Variants in FGD4 observed in about 807,000 individuals in gnomAD.
FGD4 encodes the protein FYVE, RhoGEF and PH domain-containing protein 4.
In FGD4, 42 loss-of-function variants were observed where a neutral mutation model predicts 102.0. The observed-to-expected ratio is 0.41, with a 90% confidence interval of 0.32 to 0.53. FGD4 has a LOEUF of 0.53. FGD4 is among the 20% of genes least tolerant of loss of function. The pLI is 0.21. For synonymous variants in FGD4, 380 were observed against 375.7 expected (o/e 1.01, Z -0.13); for missense variants, 902 against 1,078.2 (o/e 0.84, Z 2.29).
intron 15 of FGD4, among the ~76,000 whole-genome samples, chr12:32,634,618 C>T (rs573910370): frequency 6.6e-6 from 1 of 152,084 alleles, no homozygotes; most frequent in Admixed American, 6.6e-5. Flanking sequence ...TTCAAGGTAG[C>T]CTGGAAAGTC....
chr12:32,461,216 C>T (rs763065172), intron 1 of FGD4, among the ~76,000 whole-genome samples: 13 of 152,124 alleles, frequency 8.5e-5, no homozygotes, highest in East Asian at 1.9e-4. Flanking sequence ...ATTAAGATAA[C>T]GCACAAAAAA....
At chr12:32,549,461 T>C (rs917114727) in intron 1 of FGD4, among the ~76,000 whole-genome samples, 3 of 152,134 alleles carry the variant, frequency 2.0e-5, no homozygotes, top group African/African-American at 4.8e-5. Flanking sequence ...TTGGCTGATA[T>C]TTGTTGCTGC....
chr12:32,442,144 C>T (rs1942458487), intron 1 of FGD4, among the ~76,000 whole-genome samples: 1 of 151,606 alleles, frequency 6.6e-6, no homozygotes, highest in African/African-American at 2.4e-5. Context: ...ACCTCCGCCT[C>T]CTGGGTTCAA....
intron 1 of FGD4, among the ~76,000 whole-genome samples, chr12:32,407,474 A>G (rs1364981862): frequency 2.0e-5 from 3 of 152,208 alleles, no homozygotes; most frequent in African/African-American, 7.2e-5. Flanking sequence ...ATGTACAACC[A>G]GGTTTATAAG....
At chr12:32,570,584 G>T (rs1219489848) in intron 2 of FGD4, among the ~76,000 whole-genome samples, 1 of 152,140 alleles carries the variant, frequency 6.6e-6, no homozygotes, top group South Asian at 2.1e-4. Flanking sequence ...TGGGATTACA[G>T]GCATGTGCCA....
In FGD4 at chr12:32,442,243, C is replaced by T. The variant is rs867124876; in HGVS notation, c.166+42284C>T. ...TAATTTTTTGTATTTTTAGTAGAGA[C>T]GGGGTTTCACCGTGTTAGCCATGAT... On this transcript the variant is annotated intron_variant, in intron 1 of 16. Coordinates refer to ENST00000534526, the MANE Select transcript of FGD4 (RefSeq NM_001370298.3). Among the ~76,000 whole-genome samples, 13 of 151,876 alleles carry T rather than the reference C, an allele frequency of 8.6e-5. No individual in the cohort carries two copies. The Middle Eastern group carries it at 0.01, about 119-fold the overall frequency.
At chr12:32,602,453 A>AGATGATCTGCATAAT in intron 7 of FGD4, 136 bp downstream of exon 7, 1 of 978,064 alleles carries the variant, frequency 1.0e-6, no homozygotes, top group Non-Finnish European at 1.6e-6. Flanking sequence ...AATTATGCAG[A>AGATGATCTGCATAAT]TCATCTCTGC....
chr12:32,524,795 A>G (rs1296146933), intron 1 of FGD4, among the ~76,000 whole-genome samples: 1 of 151,674 alleles, frequency 6.6e-6, no homozygotes, highest in East Asian at 1.9e-4. Context: ...ACTGCGATCC[A>G]CCTGGGTGAC....
chr12:32,405,241 A>G (rs1291300507), intron 1 of FGD4, among the ~76,000 whole-genome samples: 1 of 134,192 alleles, frequency 7.5e-6, no homozygotes, highest in East Asian at 2.4e-4. Flanking sequence ...CTCCAAGAAC[A>G]GTTTAAAGAG....
At chr12:32,599,609 T>G (rs1447066961) in intron 5 of FGD4, among the ~76,000 whole-genome samples, 14 of 118,422 alleles carry the variant, frequency 1.2e-4, no homozygotes, top group African/African-American at 4.6e-4. Flanking sequence ...GTGCAGTGGT[T>G]TGATCTTGGC....
chr12:32,582,532 C>A (rs546651185), intron 4 of FGD4, 65 bp downstream of exon 4: 2 of 1,589,180 alleles, frequency 1.3e-6, no homozygotes, highest in South Asian at 1.1e-5. Context: ...TCTTAAAACT[C>A]TTTATTTATT....
chr12:32,631,675 T>G (rs1950511150), intron 14 of FGD4, among the ~76,000 whole-genome samples: 1 of 152,022 alleles, frequency 6.6e-6, no homozygotes, highest in East Asian at 1.9e-4. Flanking sequence ...CGGCTAATTT[T>G]TTGTATTTTT....
chr12:32,565,273 T>C (rs1350224285), intron 2 of FGD4, among the ~76,000 whole-genome samples: 1 of 152,192 alleles, frequency 6.6e-6, no homozygotes, highest in Non-Finnish European at 1.5e-5. Context: ...GGGATATTTG[T>C]CTTGTTCTCA....
At chr12:32,580,438 G>A (rs921861243) in intron 3 of FGD4, among the ~76,000 whole-genome samples, 3 of 152,138 alleles carry the variant, frequency 2.0e-5, no homozygotes, top group Non-Finnish European at 4.4e-5. Context: ...CAAGCGCCAC[G>A]CTAAGAGGTA....
At chr12:32,600,286 T>G (rs1322754794) in intron 5 of FGD4, 2 of 252,136 alleles carry the variant, frequency 7.9e-6, no homozygotes, top group African/African-American at 4.7e-5. Context: ...TGTGGTTTTC[T>G]AAAGCCAAAT....
At chr12:32,508,593 C>G (rs904618193) in intron 1 of FGD4, among the ~76,000 whole-genome samples, 6 of 152,228 alleles carry the variant, frequency 3.9e-5, no homozygotes, top group African/African-American at 1.4e-4. Flanking sequence ...CTTTGTAGAT[C>G]AACTCTCTTC....
At chr12:32,574,441 A>T in intron 2 of FGD4, among the ~76,000 whole-genome samples, 1 of 150,290 alleles carries the variant, frequency 6.7e-6, no homozygotes, top group East Asian at 2.0e-4. Context: ...CTGTTTTGCT[A>T]CATTAGTACA....
At chr12:32,627,375 C>T (rs4931645) in intron 14 of FGD4, among the ~76,000 whole-genome samples, 22,494 of 151,204 alleles carry the variant, frequency 0.15, 1,907 homozygotes, top group Middle Eastern at 0.26. Flanking sequence ...AGGCTGGTCT[C>T]GAACTCCTGA....
At chr12:32,551,490 A>G (rs569141445) in intron 1 of FGD4, among the ~76,000 whole-genome samples, 9 of 152,210 alleles carry the variant, frequency 5.9e-5, no homozygotes, top group Non-Finnish European at 1.2e-4. Context: ...GTACAGGGAA[A>G]GTAAGTCATT....
Sources: allele counts gnomAD v4.1 joint callset (sites outside exome capture counted in the v4.1 genomes callset), GRCh38; gene constraint gnomAD v4.1.1; transcripts MANE v1.5; gene names NCBI Gene and HGNC (gene_info 2026-07-23, HGNC 2026-07-21).